Variants in XKR6 observed in about 807,000 individuals in gnomAD.
XKR6 encodes the protein XK related 6, also known as XK-related protein 6.
XKR6 carries 22 observed loss-of-function variants against 56.7 expected under a neutral mutation model. That is an observed-to-expected ratio of 0.39 (90% CI 0.28 to 0.55). The LOEUF (loss-of-function observed/expected upper bound fraction) is 0.55. Ranked by LOEUF, XKR6 falls within the 20% of genes least tolerant of loss-of-function variation. The pLI, the probability that XKR6 is intolerant of heterozygous loss-of-function variation, is 0.66. For missense variants in XKR6, 852 were observed against 889.0 expected (o/e 0.96, Z 0.53); for synonymous variants, 524 against 387.8 (o/e 1.35, Z -4.13).
At chr8:11,052,823 G>A (rs12115017) in intron 1 of XKR6, among the ~76,000 whole-genome samples, 32,538 of 151,494 alleles carry the variant, frequency 0.21, 3,772 homozygotes, top group South Asian at 0.35. Context: ...GGATTCCTCT[G>A]CTGCCCGCCG....
intron 1 of XKR6, among the ~76,000 whole-genome samples, chr8:11,009,274 G>A (rs886954857): frequency 6.6e-6 from 1 of 152,206 alleles, no homozygotes; most frequent in Non-Finnish European, 1.5e-5. Context: ...AATTTGGGAG[G>A]CCAAGGTGAG....
chr8:11,077,592 A>C (rs945828633), intron 1 of XKR6, among the ~76,000 whole-genome samples: 7 of 152,112 alleles, frequency 4.6e-5, no homozygotes, highest in African/African-American at 1.7e-4. Flanking sequence ...CTCCAGGAGG[A>C]GGTGACCCTC....
chr8:11,021,149 C>A (rs1798741143), intron 1 of XKR6, among the ~76,000 whole-genome samples: 1 of 152,168 alleles, frequency 6.6e-6, no homozygotes, highest in African/African-American at 2.4e-5. Context: ...GAATCTTGGG[C>A]TTCTCTCAGA....
intron 1 of XKR6, among the ~76,000 whole-genome samples, chr8:11,052,708 C>T (rs1799582547): frequency 6.7e-6 from 1 of 149,258 alleles, no homozygotes. Flanking sequence ...CTCTTCCCCA[C>T]CCCCACCCCG....
intron 1 of XKR6, among the ~76,000 whole-genome samples, chr8:11,005,191 C>A (rs144213521): frequency 8.6e-5 from 13 of 151,982 alleles, no homozygotes; most frequent in Admixed American, 6.6e-5. Flanking sequence ...TGATTCACAT[C>A]CCAAGCAGAA....
Position 10,966,626 on chromosome 8 carries a change from A to T in XKR6, c.765-41796T>A, listed in dbSNP as rs1345112663. 3.3e-5 allele frequency among the ~76,000 whole-genome samples: 5 copies of T among 152,300 alleles called. No homozygotes were observed. The East Asian group carries it at 5.8e-4, about 18-fold the overall frequency. On this transcript the variant is annotated intron_variant, in intron 1 of 2. Transcript: ENST00000416569. The stretch of plus-strand genomic sequence containing the variant: ...GAGGCGGAGCTTGCAGTGAGCTGAG[A>T]TCGCACCACTACACTCCAGCCTGGA...
intron 1 of XKR6, among the ~76,000 whole-genome samples, chr8:11,022,625 T>A (rs1798772885): frequency 6.6e-6 from 1 of 152,126 alleles, no homozygotes; most frequent in African/African-American, 2.4e-5. Flanking sequence ...AGTGTCATCT[T>A]TTTCCATCCC....
chr8:11,062,211 G>A (rs1799852560), intron 1 of XKR6, among the ~76,000 whole-genome samples: 1 of 151,984 alleles, frequency 6.6e-6, no homozygotes, highest in Non-Finnish European at 1.5e-5. Context: ...CCAGGCGCTG[G>A]GGGAAGTGGA....
intron 1 of XKR6, among the ~76,000 whole-genome samples, chr8:11,054,811 G>T (rs934892789): frequency 1.3e-5 from 2 of 152,190 alleles, no homozygotes; most frequent in Admixed American, 6.5e-5. Flanking sequence ...GCTCACTGGG[G>T]CCCTGGGAGC....
chr8:10,920,347 A>T (rs1035125474), intron 2 of XKR6, among the ~76,000 whole-genome samples: 1 of 152,192 alleles, frequency 6.6e-6, no homozygotes, highest in Non-Finnish European at 1.5e-5. Context: ...TGCTCATAAC[A>T]ACTCTCTATG....
intron 1 of XKR6, among the ~76,000 whole-genome samples, chr8:10,966,075 G>C (rs539848545): frequency 6.6e-6 from 1 of 152,334 alleles, no homozygotes; most frequent in South Asian, 2.1e-4. Context: ...TAACTTGGGT[G>C]GGGAGGAGGA....
intron 1 of XKR6, among the ~76,000 whole-genome samples, chr8:10,994,644 T>C (rs1427532432): frequency 6.6e-6 from 1 of 152,318 alleles, no homozygotes; most frequent in South Asian, 2.1e-4. Context: ...AAGAAACTAA[T>C]GTGCATTGAG....
At chr8:11,032,421 A>G (rs889410408) in intron 1 of XKR6, among the ~76,000 whole-genome samples, 2 of 152,184 alleles carry the variant, frequency 1.3e-5, no homozygotes, top group Non-Finnish European at 2.9e-5. Flanking sequence ...GAGTACAAAG[A>G]CACAAATTGG....
At chr8:11,028,926 C>G (rs539135708) in intron 1 of XKR6, among the ~76,000 whole-genome samples, 1 of 152,246 alleles carries the variant, frequency 6.6e-6, no homozygotes, top group African/African-American at 2.4e-5. Context: ...CTGCAGGTGG[C>G]CCCCTGGACT....
rs959527567 is a variant in XKR6, at chr8:11,048,981, T to G, written c.765-124151A>C. Among the ~76,000 whole-genome samples the G allele has an allele frequency of 6.6e-5, 10 of 152,236 alleles. No individual in the cohort carries two copies. The South Asian group carries it at 2.1e-3, about 32-fold the overall frequency. ...TGAGGTGGCTGCAGGCTCTTATCAA[T>G]GAGATCAACAGGGTGTCTGCTGAAG... On this transcript the variant is annotated intron_variant, in intron 1 of 2. Coordinates refer to ENST00000416569, the MANE Select transcript of XKR6 (RefSeq NM_173683.4).
rs1006659477 is a variant in XKR6, at chr8:11,030,176, G to A, written c.765-105346C>T. On this transcript the variant is annotated intron_variant, in intron 1 of 2. Transcript: ENST00000416569. ...TCCACCCCCTCTCTGTTGCCTGCCCGAGTTGGGCTCATTTCCACCTCCGCG... is the reference window on the plus strand; with the variant it reads ...TCCACCCCCTCTCTGTTGCCTGCCCAAGTTGGGCTCATTTCCACCTCCGCG... Among the ~76,000 whole-genome samples the A allele has an allele frequency of 2.0e-5, 3 of 152,124 alleles. No homozygotes were observed. The East Asian group carries it at 5.8e-4, about 29-fold the overall frequency.
intron 1 of XKR6, among the ~76,000 whole-genome samples, chr8:11,101,938 C>A (rs1370333654): frequency 6.6e-6 from 1 of 152,150 alleles, no homozygotes; most frequent in Non-Finnish European, 1.5e-5. Context: ...TAGTTTGTTA[C>A]AATCATGCCC....
chr8:11,077,868 CG>C (rs1294634107), intron 1 of XKR6, among the ~76,000 whole-genome samples: 1 of 152,114 alleles, frequency 6.6e-6, no homozygotes, highest in Non-Finnish European at 1.5e-5. Context: ...ATCATCAGAC[CG>C]GGGACCCAGG....
intron 1 of XKR6, among the ~76,000 whole-genome samples, chr8:10,927,849 T>C (rs1378486673): frequency 6.6e-6 from 1 of 152,032 alleles, no homozygotes; most frequent in East Asian, 1.9e-4. Context: ...AAGCAGACGT[T>C]GGGGCCTAGA....
Sources: gnomAD v4.1 joint callset for allele counts (sites outside exome capture counted in the v4.1 genomes callset) on GRCh38, gnomAD v4.1.1 for gene constraint, MANE v1.5 for transcripts, NCBI Gene and HGNC (gene_info 2026-07-23, HGNC 2026-07-21) for gene names.